The following GLP2R variants were observed in gnomAD, a reference collection of about 807,000 sequenced individuals.
GLP2R encodes the protein glucagon like peptide 2 receptor.
A neutral mutation model predicts 68.2 loss-of-function variants in GLP2R; 59 were observed. The observed-to-expected ratio is 0.87, with a 90% CI of 0.70 to 1.07. GLP2R has a LOEUF of 1.07. Ranked by LOEUF, GLP2R falls within the 50% of genes least tolerant of loss-of-function variation. The pLI, the probability that GLP2R is intolerant of heterozygous loss-of-function variation, is 0.00. For missense variants in GLP2R, 548 were observed against 677.4 expected (o/e 0.81, Z 2.12); for synonymous variants, 270 against 265.4 (o/e 1.02, Z -0.17).
chr17:9,880,353 A>T, intron 10 of GLP2R, 25 bp from the exon 11 acceptor site: 1 of 1,527,096 alleles, frequency 6.5e-7, no homozygotes, highest in Non-Finnish European at 9.0e-7. Flanking sequence ...GGCCCTCTTG[A>T]CTGTTATTTG....
At chr17:9,871,729 T>C (rs1042946546) in intron 10 of GLP2R, among the ~76,000 whole-genome samples, 7 of 144,592 alleles carry the variant, frequency 4.8e-5, no homozygotes, top group Admixed American at 2.7e-4. Flanking sequence ...TTCTTTTTTT[T>C]TTTTTTTTTT....
chr17:9,838,124 G>A (rs762920689), intron 3 of GLP2R, among the ~76,000 whole-genome samples: 6 of 152,148 alleles, frequency 3.9e-5, no homozygotes, highest in Non-Finnish European at 8.8e-5. Context: ...CTGGATCGGA[G>A]GACTCTGAAT....
At chr17:9,848,687 AAAC>A (rs1348581133) in intron 4 of GLP2R, among the ~76,000 whole-genome samples, 6 of 152,154 alleles carry the variant, frequency 3.9e-5, no homozygotes, top group African/African-American at 1.4e-4. Flanking sequence ...TTAACAAAAA[AAAC>A]AACTTCTGGC....
chr17:9,839,519 C>T (rs1474853066), intron 3 of GLP2R, among the ~76,000 whole-genome samples: 5 of 152,130 alleles, frequency 3.3e-5, no homozygotes, highest in East Asian at 1.9e-4. Context: ...ATCTCCTCCT[C>T]CCCTCCATCC....
At chr17:9,868,902 A>G (rs2067065663) in intron 9 of GLP2R, among the ~76,000 whole-genome samples, 1 of 152,210 alleles carries the variant, frequency 6.6e-6, no homozygotes, top group East Asian at 1.9e-4. Context: ...TAAATCACTA[A>G]GCCAAGGACA....
chr17:9,850,144 G>A (rs2066878630), intron 4 of GLP2R, among the ~76,000 whole-genome samples: 1 of 152,110 alleles, frequency 6.6e-6, no homozygotes, highest in South Asian at 2.1e-4. Flanking sequence ...ATCACATATT[G>A]GTTAGGAAGC....
intron 5 of GLP2R, among the ~76,000 whole-genome samples, chr17:9,855,981 A>G (rs1260457306): frequency 6.6e-6 from 1 of 152,184 alleles, no homozygotes; most frequent in Non-Finnish European, 1.5e-5. Flanking sequence ...CAGAATGAGC[A>G]TTTGACATAG....
At chr17:9,880,039 G>A (rs2067181401) in intron 10 of GLP2R, among the ~76,000 whole-genome samples, 1 of 152,222 alleles carries the variant, frequency 6.6e-6, no homozygotes, top group Admixed American at 6.5e-5. Flanking sequence ...AAACCTGGTA[G>A]GGGTGGAGTG....
intron 11 of GLP2R, among the ~76,000 whole-genome samples, chr17:9,882,485 A>C (rs1195275552): frequency 1.3e-5 from 2 of 152,218 alleles, no homozygotes; most frequent in African/African-American, 4.8e-5. Flanking sequence ...ATACACACTC[A>C]AGAAGGACCA....
At chr17:9,874,210 A>G (rs2152045502) in intron 10 of GLP2R, among the ~76,000 whole-genome samples, 1 of 152,312 alleles carries the variant, frequency 6.6e-6, no homozygotes, top group East Asian at 1.9e-4. Flanking sequence ...GGTCTAGGAA[A>G]GGGTAAATCA....
intron 11 of GLP2R, among the ~76,000 whole-genome samples, chr17:9,885,479 T>C (rs958987667): frequency 3.3e-5 from 5 of 152,090 alleles, no homozygotes; most frequent in African/African-American, 1.2e-4. Context: ...GAGTGGCACA[T>C]CCAAGATGGT....
At chr17:9,879,577 T>C (rs2067175873) in intron 10 of GLP2R, among the ~76,000 whole-genome samples, 1 of 152,050 alleles carries the variant, frequency 6.6e-6, no homozygotes, top group South Asian at 2.1e-4. Context: ...GGAAACTATA[T>C]GTATATATTT....
intron 9 of GLP2R, among the ~76,000 whole-genome samples, chr17:9,868,111 T>C (rs4791899): frequency 0.25 from 37,836 of 152,216 alleles, 7,296 homozygotes; most frequent in African/African-American, 0.52. Flanking sequence ...GAAGTCTTCA[T>C]TGTTGCAAAA....
intron 3 of GLP2R, among the ~76,000 whole-genome samples, chr17:9,839,986 T>C (rs931562742): frequency 1.4e-4 from 20 of 141,766 alleles, no homozygotes; most frequent in Non-Finnish European, 2.3e-4. Context: ...GAAGCCTCTT[T>C]TTTTTTTTTT....
At chr17:9,858,568 C>T (rs2066955201) in intron 6 of GLP2R, among the ~76,000 whole-genome samples, 1 of 152,180 alleles carries the variant, frequency 6.6e-6, no homozygotes, top group Non-Finnish European at 1.5e-5. Context: ...TTATTTCTTC[C>T]TTAAATGTTT....
intron 10 of GLP2R, among the ~76,000 whole-genome samples, chr17:9,871,448 G>A (rs1009491865): frequency 1.2e-4 from 19 of 152,078 alleles, no homozygotes; most frequent in Admixed American, 3.9e-4. Flanking sequence ...AGGATTTGAA[G>A]AGAAGAGATT....
At chr17:9,852,929 TCTC>T (rs1177956232) in intron 4 of GLP2R, 2 of 492,780 alleles carry the variant, frequency 4.1e-6, no homozygotes, top group African/African-American at 2.0e-5. Flanking sequence ...TTCACATTCT[TCTC>T]CTCTTCATCT....
intron 6 of GLP2R, among the ~76,000 whole-genome samples, chr17:9,859,184 T>C (rs896657760): frequency 6.6e-5 from 10 of 152,200 alleles, no homozygotes; most frequent in African/African-American, 1.9e-4. Context: ...AGTTAAGAAA[T>C]AATTTCTAAT....
chr17:9,867,186 A>G (rs560369149), intron 9 of GLP2R, among the ~76,000 whole-genome samples: 236 of 152,294 alleles, frequency 1.5e-3, no homozygotes, highest in African/African-American at 5.2e-3. Context: ...GGAAAAGCCA[A>G]CTGTGCATGG....
Sources: allele counts gnomAD v4.1 joint callset (sites outside exome capture counted in the v4.1 genomes callset), GRCh38; gene constraint gnomAD v4.1.1; transcripts MANE v1.5; gene names NCBI Gene and HGNC (gene_info 2026-07-23, HGNC 2026-07-21).